NR2C1: variants seen among roughly 807,000 people sequenced by gnomAD.
NR2C1 encodes the protein TR2 nuclear hormone receptor.
NR2C1 carries 33 observed loss-of-function variants against 74.8 expected under a neutral mutation model. The ratio of observed to expected loss-of-function variants is 0.44; its 90% CI spans 0.33 to 0.59. NR2C1 has a LOEUF of 0.59. Ranked by LOEUF, NR2C1 falls within the 20% of genes least tolerant of loss-of-function variation. NR2C1 has a pLI of 0.02. For missense variants in NR2C1, 568 were observed against 715.6 expected, an observed-to-expected ratio of 0.79 and a Z score of 2.35; for synonymous variants, 225 against 240.6, an observed-to-expected ratio of 0.94 and a Z score of 0.60.
intron 1 of NR2C1, among the ~76,000 whole-genome samples, chr12:95,069,852 T>TA (rs62953662): frequency 0.13 from 19,434 of 150,826 alleles, 1,497 homozygotes; most frequent in Non-Finnish European, 0.18. Flanking sequence ...CTCAACCTTA[T>TA]AAAAAAAAAG....
At chr12:95,057,323 T>G (rs372161674) in intron 7 of NR2C1, among the ~76,000 whole-genome samples, 15 of 151,960 alleles carry the variant, frequency 9.9e-5, no homozygotes, top group African/African-American at 3.6e-4. Flanking sequence ...CAGGCTGGTC[T>G]TGAACTTCTG....
At chr12:95,038,947 AACAC>A (rs1871185678) in intron 10 of NR2C1, among the ~76,000 whole-genome samples, 1 of 152,164 alleles carries the variant, frequency 6.6e-6, no homozygotes, top group African/African-American at 2.4e-5. Flanking sequence ...TTTTTCTACA[AACAC>A]ACACACTGGA....
In NR2C1 at chr12:95,060,522, G is replaced by A. The variant is rs1051342087; in HGVS notation, c.286-538C>T. Among the ~76,000 whole-genome samples the A allele has an allele frequency of 1.5e-4, 23 of 152,292 alleles. 1 individual carries two copies. The highest frequency in any genetic ancestry group is 4.6e-4 in the African/African-American group (19 of 41,560). On this transcript the variant is annotated intron_variant, in intron 3 of 13. Coordinates refer to ENST00000333003, the MANE Select transcript of NR2C1 (RefSeq NM_003297.4). The stretch of plus-strand genomic sequence containing the variant: ...TACAAAAAATTAGCTGGGTGTGGTG[G>A]AGAGTGCCTGTAATCCCAGCTACTT...
intron 11 of NR2C1, among the ~76,000 whole-genome samples, chr12:95,029,876 T>A (rs1054082402): frequency 2.0e-5 from 3 of 152,036 alleles, no homozygotes; most frequent in Admixed American, 6.6e-5. Context: ...CCACCCTTTT[T>A]ATTTTTTTAA....
At chr12:95,060,765 C>G (rs1191341270) in intron 3 of NR2C1, among the ~76,000 whole-genome samples, 1 of 152,140 alleles carries the variant, frequency 6.6e-6, no homozygotes. Context: ...CAAATAAATT[C>G]AATTAAAGAA....
intron 12 of NR2C1, 71 bp from the exon 13 acceptor site, chr12:95,025,326 A>G: frequency 2.6e-6 from 2 of 782,848 alleles, no homozygotes; most frequent in Non-Finnish European, 4.1e-6. Context: ...ATATGAAAAG[A>G]GACAGAAAGA....
At chr12:95,067,983 C>T (rs192641201) in intron 1 of NR2C1, among the ~76,000 whole-genome samples, 304 of 150,202 alleles carry the variant, frequency 2.0e-3, no homozygotes, top group African/African-American at 7.0e-3. Flanking sequence ...TGGGTTCATG[C>T]CATTCTCCTG....
At chr12:95,067,436 C>T in intron 1 of NR2C1, 45 bp from the exon 2 acceptor site, 1 of 1,295,504 alleles carries the variant, frequency 7.7e-7, no homozygotes, top group Non-Finnish European at 1.1e-6. Context: ...TCACAAAACA[C>T]TCTTATTAAA....
rs1241981899 is a variant in NR2C1 at position 95,021,060 on chromosome 12, A to G, written c.*1169T>C. 6.6e-6 allele frequency: 1 copy of G among 152,172 alleles called. No homozygotes were observed. The highest frequency in any genetic ancestry group is 1.5e-5 in the Non-Finnish European group (1 of 68,036). 9.4% of individuals were successfully genotyped at this position (152,172 alleles called of 1,614,324 possible). On this transcript the variant is annotated 3_prime_UTR_variant, in exon 14 of 14. Coordinates refer to ENST00000333003, the MANE Select transcript of NR2C1 (RefSeq NM_003297.4). ...AGTGATCTAAAAGAAATTGGCTAAA[A>G]CCCATACATGACAGGTTTGGGAAGC...
intron 7 of NR2C1, among the ~76,000 whole-genome samples, chr12:95,055,590 T>C (rs2136170007): frequency 6.6e-6 from 1 of 152,328 alleles, no homozygotes; most frequent in Non-Finnish European, 1.5e-5. Flanking sequence ...TTAGAGCGCC[T>C]TAAAGCATCA....
At chr12:95,068,054 A>G (rs1875998458) in intron 1 of NR2C1, among the ~76,000 whole-genome samples, 1 of 151,532 alleles carries the variant, frequency 6.6e-6, no homozygotes, top group Non-Finnish European at 1.5e-5. Flanking sequence ...ATTTTTTTGT[A>G]TTTTTAGTAG....
Position 95,040,480 on chromosome 12 carries a change from G to C in NR2C1, c.1249C>G (p.Leu417Val). The C allele has an allele frequency of 6.2e-7, 1 of 1,613,052 alleles. No homozygotes were observed. The highest frequency in any genetic ancestry group is 8.5e-7 in the Non-Finnish European group (1 of 1,179,402). Residue 417 changes from leucine to valine, a missense_variant, in exon 10 of 14, where the codon CTA becomes GTA. Transcript: ENST00000333003. Reference sequence around the variant, plus strand: ...TCAAGATTTCAAAACACTCACCCTAGAGCCTGGAAAGAAGGAATCGAAAGT... The same window carrying C: ...TCAAGATTTCAAAACACTCACCCTACAGCCTGGAAAGAAGGAATCGAAAGT... ...WALSIPSFQA[L>V]GQENSISLVK...
In NR2C1 at chr12:95,057,798, T is replaced by C. The variant is rs749125776; in HGVS notation, c.625A>G (p.Ile209Val). 1.9e-6 allele frequency: 3 copies of C among 1,614,038 alleles called. No individual in the cohort carries two copies. Among genetic ancestry groups the C allele is most frequent in the African/African-American group, 1.3e-5 (1 of 74,944 alleles). Residue 209 changes from isoleucine to valine, a missense_variant, in exon 6 of 14, where the codon ATC (isoleucine) becomes GTC (valine). Physicochemically the swap from Ile to Val is conservative, Grantham distance 29. Around this residue, in one of 6 missense-constraint regions of NR2C1, gnomAD observed 239 missense variants for 232.3 expected, o/e 1.03. Transcript: ENST00000333003. ...NCAASTEKIYIRKDLRSPLTA... is the reference protein window; with the variant it reads ...NCAASTEKIYVRKDLRSPLTA... The stretch of plus-strand genomic sequence containing the variant: ...AATGGGCTACGAAGGTCCTTTCGGA[T>C]ATAGATTTTTTCTGTTGAAGCGGCA...
intron 10 of NR2C1, among the ~76,000 whole-genome samples, chr12:95,032,565 C>T (rs1489475414): frequency 6.6e-6 from 1 of 152,146 alleles, no homozygotes; most frequent in African/African-American, 2.4e-5. Context: ...ACCTATTTAT[C>T]CATTTGAAAT....
intron 13 of NR2C1, among the ~76,000 whole-genome samples, chr12:95,024,017 A>G (rs1413426705): frequency 6.6e-6 from 1 of 152,108 alleles, no homozygotes; most frequent in African/African-American, 2.4e-5. Flanking sequence ...TGTGTGCTCT[A>G]CTCCTCAAAT....
intron 10 of NR2C1, among the ~76,000 whole-genome samples, chr12:95,033,914 T>A (rs1180906657): frequency 6.6e-6 from 1 of 152,224 alleles, no homozygotes; most frequent in Non-Finnish European, 1.5e-5. Flanking sequence ...ACCTACAGAC[T>A]TTATTATAAA....
At chr12:95,069,774 G>C (rs1011326966) in intron 1 of NR2C1, among the ~76,000 whole-genome samples, 11 of 152,106 alleles carry the variant, frequency 7.2e-5, no homozygotes, top group Middle Eastern at 3.4e-3. Context: ...ATCCATCCAT[G>C]CATCTATGCA....
In NR2C1 at chr12:95,020,329, T is replaced by C. The variant is rs1868662911; in HGVS notation, c.*1900A>G. 6.6e-6 allele frequency: 1 copy of C among 152,200 alleles called. No individual in the cohort carries two copies. The highest frequency in any genetic ancestry group is 1.5e-5 in the Non-Finnish European group (1 of 68,042). 9.4% of individuals were successfully genotyped at this position (152,200 alleles called of 1,614,324 possible). The stretch of plus-strand genomic sequence containing the variant: ...ATATAGTTTTAAAGTCTTCCAAATA[T>C]AGTAGCAAATTTAATCAGAAAAAAC... On this transcript the variant is annotated 3_prime_UTR_variant, in exon 14 of 14. Transcript: ENST00000333003.
chr12:95,050,716 A>AT (rs759021683), intron 8 of NR2C1, among the ~76,000 whole-genome samples: 2 of 151,706 alleles, frequency 1.3e-5, no homozygotes, highest in Non-Finnish European at 2.9e-5. Context: ...TCAGCCTCCT[A>AT]TACACTAATG....
Sources: allele counts gnomAD v4.1 joint callset (sites outside exome capture counted in the v4.1 genomes callset), GRCh38; gene constraint gnomAD v4.1.1; regional missense constraint gnomAD v4.1.1; transcripts MANE v1.5; gene names NCBI Gene and HGNC (gene_info 2026-07-23, HGNC 2026-07-21).